The following SLCO1C1 variants were observed in gnomAD, a reference collection of about 807,000 sequenced individuals.
SLCO1C1 encodes OAT-RP-5.
A neutral mutation model predicts 76.4 loss-of-function variants in SLCO1C1; 70 were observed. That is an observed-to-expected ratio of 0.92 (90% confidence interval 0.76 to 1.12). The LOEUF is 1.12. Ranked by LOEUF, SLCO1C1 falls within the 50% of genes most tolerant of loss-of-function variation. The pLI is 0.00. For missense variants in SLCO1C1, 912 were observed against 823.8 expected, an observed-to-expected ratio of 1.11 and a Z score of -1.31; for synonymous variants, 306 against 286.1, an observed-to-expected ratio of 1.07 and a Z score of -0.70.
chr12:20,723,760 T>C (rs11045409), intron 9 of SLCO1C1, among the ~76,000 whole-genome samples: 55,152 of 151,888 alleles, frequency 0.36, 10,919 homozygotes, highest in African/African-American at 0.49. Context: ...AAACCAGAAC[T>C]TACAAATACA....
intron 11 of SLCO1C1, 38 bp from the exon 12 acceptor site, chr12:20,740,146 T>C: frequency 6.5e-7 from 1 of 1,538,062 alleles, no homozygotes; most frequent in South Asian, 1.2e-5. Flanking sequence ...TATTTAAATG[T>C]TACTGAAATA....
At chr12:20,720,154 TACTA>T (rs1408234728) in intron 7 of SLCO1C1, among the ~76,000 whole-genome samples, 11 of 152,222 alleles carry the variant, frequency 7.2e-5, no homozygotes, top group Non-Finnish European at 1.3e-4. Context: ...CAGCATGGTT[TACTA>T]ACTATTTGAA....
intron 3 of SLCO1C1, among the ~76,000 whole-genome samples, chr12:20,704,147 A>T (rs1179148788): frequency 6.6e-6 from 1 of 151,588 alleles, no homozygotes; most frequent in Non-Finnish European, 1.5e-5. Context: ...AAGATTTTGT[A>T]TCATCATTTA....
chr12:20,737,121 C>G lies in SLCO1C1; in HGVS notation c.1397C>G (p.Ser466Cys). The part of the protein sequence containing the change: ...TVSYQGTKPV[S>C]YHERALFSDC... The stretch of plus-strand genomic sequence containing the variant: ...TTTCTTTTCAGAACCAAACCTGTCT[C>G]TTATCATGAACGAGCTCTCTTTTCA... The change falls in exon 11 of 15, where the codon TCT (serine) becomes TGT (cysteine). Residue 466 changes from serine (S) to cysteine (C), a missense_variant. Ser to Cys is a moderately radical substitution (Grantham distance 112, BLOSUM62 -1). Coordinates refer to ENST00000266509, the MANE Select transcript of SLCO1C1 (RefSeq NM_017435.5). 6.5e-7 allele frequency: 1 copy of G among 1,528,948 alleles called. No individual in the cohort carries two copies. The highest frequency in any genetic ancestry group is 8.7e-7 in the Non-Finnish European group (1 of 1,146,440). The allele number at this position is 1,528,948 out of a possible 1,614,324, so 94.7% of individuals were successfully genotyped here.
chr12:20,736,196 A>AG (rs1350799391), intron 10 of SLCO1C1, among the ~76,000 whole-genome samples: 1 of 152,006 alleles, frequency 6.6e-6, no homozygotes, highest in East Asian at 1.9e-4. Flanking sequence ...TTCAGGTGAC[A>AG]GAAAAAAAAG....
intron 13 of SLCO1C1, among the ~76,000 whole-genome samples, chr12:20,745,684 G>T (rs1229923483): frequency 1.3e-5 from 2 of 151,956 alleles, no homozygotes; most frequent in Non-Finnish European, 1.5e-5. Flanking sequence ...AATTAGCCGG[G>T]TGTGCTGGTG....
At chr12:20,745,020 A>G (rs989090117) in intron 13 of SLCO1C1, among the ~76,000 whole-genome samples, 2 of 152,192 alleles carry the variant, frequency 1.3e-5, no homozygotes, top group African/African-American at 4.8e-5. Context: ...TTTTTATTGT[A>G]TGGTGTTTTT....
At chr12:20,746,225 G>A (rs1036655233) in intron 13 of SLCO1C1, among the ~76,000 whole-genome samples, 1 of 152,058 alleles carries the variant, frequency 6.6e-6, no homozygotes, top group Non-Finnish European at 1.5e-5. Context: ...AGCAACCGTA[G>A]TAACAATAAT....
intron 9 of SLCO1C1, among the ~76,000 whole-genome samples, chr12:20,726,411 A>G (rs1162905554): frequency 2.0e-5 from 3 of 152,120 alleles, no homozygotes; most frequent in Non-Finnish European, 2.9e-5. Context: ...TCAAGGGCCA[A>G]CTGTTACAAC....
At chr12:20,727,809 A>T (rs1222736962) in intron 9 of SLCO1C1, among the ~76,000 whole-genome samples, 4 of 152,062 alleles carry the variant, frequency 2.6e-5, no homozygotes, top group African/African-American at 9.7e-5. Context: ...GCGCCCGGCC[A>T]CGTGTTTTCT....
intron 13 of SLCO1C1, among the ~76,000 whole-genome samples, chr12:20,745,857 C>T (rs2417863): frequency 0.44 from 66,200 of 151,692 alleles, 17,169 homozygotes; most frequent in South Asian, 0.63. Context: ...AAATAAAGCT[C>T]ATTCTTAAAT....
chr12:20,722,934 G>A (rs1261562298), intron 8 of SLCO1C1, among the ~76,000 whole-genome samples, 156 bp from the exon 9 acceptor site: 3 of 152,202 alleles, frequency 2.0e-5, no homozygotes, highest in Non-Finnish European at 4.4e-5. Flanking sequence ...CATGCCAGTG[G>A]CTTACTATAT....
intron 6 of SLCO1C1, among the ~76,000 whole-genome samples, chr12:20,716,158 G>GGTAACAGC (rs1190180459): frequency 6.6e-6 from 1 of 152,196 alleles, no homozygotes; most frequent in Non-Finnish European, 1.5e-5. Context: ...TGCTCTGCAG[G>GGTAACAGC]ACTCCAGGGG....
At chr12:20,699,858 T>G (rs998677111) in intron 2 of SLCO1C1, 153 bp downstream of exon 2, 1 of 846,430 alleles carries the variant, frequency 1.2e-6, no homozygotes, top group Non-Finnish European at 1.7e-6. Context: ...TGCCAGGCGG[T>G]GCAAGCAATC....
intron 10 of SLCO1C1, among the ~76,000 whole-genome samples, chr12:20,736,846 C>T (rs1383574193): frequency 1.3e-5 from 2 of 152,110 alleles, no homozygotes; most frequent in Non-Finnish European, 2.9e-5. Context: ...ATCCTAGAGG[C>T]TGTAGACTGA....
In SLCO1C1 at chr12:20,740,490, A is replaced by G. The variant is rs1592319904; in HGVS notation, c.1733+122A>G. On this transcript the variant is annotated intron_variant, in intron 12 of 14. Transcript: ENST00000266509. Reference sequence around the variant, plus strand: ...AGTTTTTTCAAGAAACTTGTCCCACATCCTTGTTTCACTTTTATATATATC... The same window carrying G: ...AGTTTTTTCAAGAAACTTGTCCCACGTCCTTGTTTCACTTTTATATATATC... The G allele has an allele frequency of 8.2e-6, 7 of 855,114 alleles. No homozygotes were observed. The East Asian group carries it at 1.9e-4, about 23-fold the overall frequency. 53.0% of individuals were successfully genotyped at this position (855,114 alleles called of 1,614,324 possible).
intron 14 of SLCO1C1, among the ~76,000 whole-genome samples, chr12:20,751,920 G>C (rs917994560): frequency 5.9e-5 from 9 of 152,058 alleles, no homozygotes; most frequent in Non-Finnish European, 1.5e-5. Flanking sequence ...TGAGGATAGG[G>C]TAGCCACATA....
At chr12:20,733,826 C>A (rs1287301332) in intron 10 of SLCO1C1, among the ~76,000 whole-genome samples, 1 of 152,178 alleles carries the variant, frequency 6.6e-6, no homozygotes, top group African/African-American at 2.4e-5. Flanking sequence ...TTTCCAGAGT[C>A]TCTCTCAATA....
intron 9 of SLCO1C1, among the ~76,000 whole-genome samples, chr12:20,731,935 C>T (rs1284553787): frequency 6.6e-6 from 1 of 152,042 alleles, no homozygotes. Context: ...CTCAATAATG[C>T]TATTATTAGC....
Sources: allele counts gnomAD v4.1 joint callset (sites outside exome capture counted in the v4.1 genomes callset), GRCh38; gene constraint gnomAD v4.1.1; transcripts MANE v1.5; gene names NCBI Gene and HGNC (gene_info 2026-07-23, HGNC 2026-07-21).